The following GAS7 variants were observed in gnomAD, a reference collection of about 807,000 sequenced individuals.
GAS7 encodes the protein growth arrest-specific protein 7.
GAS7 carries 28 observed loss-of-function variants against 71.1 expected under a neutral mutation model. The ratio of observed to expected loss-of-function variants is 0.39; its 90% CI spans 0.29 to 0.54. The LOEUF (loss-of-function observed/expected upper bound fraction) is 0.54, where lower values mean the gene tolerates loss of function less well. Ranked by LOEUF, GAS7 falls within the 20% of genes least tolerant of loss-of-function variation. The pLI is 0.62. For missense variants in GAS7, 436 were observed against 627.8 expected (o/e 0.69, Z 3.27); for synonymous variants, 258 against 245.8 (o/e 1.05, Z -0.46).
At chr17:10,038,956 C>A (rs1410831853) in intron 1 of GAS7, among the ~76,000 whole-genome samples, 2 of 152,042 alleles carry the variant, frequency 1.3e-5, no homozygotes, top group African/African-American at 2.4e-5. Context: ...GGGACAAATA[C>A]CATTTGCTTC....
At chr17:9,949,910 G>A (rs891758716) in intron 5 of GAS7, among the ~76,000 whole-genome samples, 1 of 143,384 alleles carries the variant, frequency 7.0e-6, no homozygotes, top group Non-Finnish European at 1.5e-5. Context: ...TCACCAGGCT[G>A]GAGTGCAGTG....
intron 7 of GAS7, 31 bp from the exon 8 acceptor site, chr17:9,940,231 G>A: frequency 6.4e-7 from 1 of 1,560,162 alleles, no homozygotes; most frequent in Non-Finnish European, 8.8e-7. Flanking sequence ...ACACACATCA[G>A]CTCTCCAGTG....
chr17:10,147,038 A>G (rs11078834), intron 1 of GAS7, among the ~76,000 whole-genome samples: 66,969 of 151,568 alleles, frequency 0.44, 15,245 homozygotes, highest in East Asian at 0.64. Context: ...CTGAATCTGT[A>G]CTCCTGTGGG....
intron 1 of GAS7, among the ~76,000 whole-genome samples, chr17:10,155,705 G>C (rs982776907): frequency 6.6e-6 from 1 of 152,160 alleles, no homozygotes; most frequent in Non-Finnish European, 1.5e-5. Flanking sequence ...CCTGTTCAGA[G>C]GCAGCCTTCA....
intron 1 of GAS7, among the ~76,000 whole-genome samples, chr17:10,057,429 G>A (rs1296845123): frequency 1.3e-5 from 2 of 151,028 alleles, no homozygotes; most frequent in African/African-American, 2.4e-5. Context: ...TGTGGGGAGC[G>A]CCTCTGCCGG....
At position 10,019,768 on chromosome 17, in the gene GAS7, G is replaced by C. The variant is rs200092975; in HGVS notation, c.304+9C>G. 2 of 1,611,532 alleles carry C rather than the reference G, an allele frequency of 1.2e-6. No homozygotes were observed. Among genetic ancestry groups the C allele is most frequent in the Non-Finnish European group, 1.7e-6 (2 of 1,178,432 alleles). ...GTTGGTGCAGGATTCTCCCCCGAGCGGGACTCACCATTGGTGGTCGTGTTG... is the reference window on the plus strand; with the variant it reads ...GTTGGTGCAGGATTCTCCCCCGAGCCGGACTCACCATTGGTGGTCGTGTTG... On this transcript the variant is annotated intron_variant, in intron 2 of 13. Transcript: ENST00000432992.
intron 1 of GAS7, among the ~76,000 whole-genome samples, chr17:10,053,412 C>T (rs1338075018): frequency 1.3e-5 from 2 of 152,166 alleles, no homozygotes; most frequent in Non-Finnish European, 1.5e-5. Context: ...AATGCTAGAT[C>T]TGAAATGTAC....
At chr17:10,065,944 G>A (rs554973886) in intron 1 of GAS7, among the ~76,000 whole-genome samples, 2 of 152,334 alleles carry the variant, frequency 1.3e-5, no homozygotes, top group Non-Finnish European at 2.9e-5. Flanking sequence ...CAGAGTGCCA[G>A]GGAGGTTCAG....
Position 9,981,733 on chromosome 17 carries a change from C to A in GAS7, c.385+71G>T. On this transcript the variant is annotated intron_variant, in intron 3 of 13. Transcript: ENST00000432992. This position sits in a 1 kb window ranked among gnomAD's most constrained non-coding sequence, Gnocchi z 4.4. ...GCCAGGTTTAAGACCCAGGACCCAT[C>A]ATCTCAGCCTCTCCACTGAATGTGG... is the stretch of plus-strand genomic sequence containing the variant. 1 of 899,078 alleles carries A rather than the reference C, an allele frequency of 1.1e-6. No individual in the cohort carries two copies. The highest frequency in any genetic ancestry group is 1.9e-6 in the Non-Finnish European group (1 of 533,942). The allele number at this position is 899,078 out of a possible 1,614,324, so 55.7% of individuals were successfully genotyped here. A position where few individuals can be genotyped will look rare whatever the true frequency, so the allele number is the denominator to read the frequency against.
chr17:9,945,534 A>C (rs1409522110), intron 6 of GAS7, among the ~76,000 whole-genome samples: 2 of 152,140 alleles, frequency 1.3e-5, no homozygotes, highest in African/African-American at 2.4e-5. Context: ...TACCCTGGAC[A>C]CAGCACAGCT....
chr17:10,005,291 A>G (rs1014634609), intron 2 of GAS7, among the ~76,000 whole-genome samples: 2 of 150,362 alleles, frequency 1.3e-5, no homozygotes, highest in Admixed American at 1.3e-4. Flanking sequence ...ATACATGCAT[A>G]CATGTATATA....
intron 2 of GAS7, among the ~76,000 whole-genome samples, chr17:10,007,908 C>T (rs2071606311): frequency 6.6e-6 from 1 of 152,142 alleles, no homozygotes; most frequent in African/African-American, 2.4e-5. Flanking sequence ...CAGCTCCCCC[C>T]CGCAACCACC....
intron 8 of GAS7, among the ~76,000 whole-genome samples, chr17:9,939,493 T>C (rs772511652): frequency 2.6e-5 from 4 of 152,162 alleles, no homozygotes; most frequent in Non-Finnish European, 4.4e-5. Flanking sequence ...AAAGGGAGGC[T>C]GGAGTGGGCA....
At position 10,103,251 on chromosome 17, in the gene GAS7, G is replaced by A. The variant is rs1204335056; in HGVS notation, c.184-83354C>T. On this transcript the variant is annotated intron_variant, in intron 1 of 13. Transcript: ENST00000432992. This position sits in a 1 kb window ranked among gnomAD's most constrained non-coding sequence, Gnocchi z 5.5. ...CCTAGCTACTCAGGAGGCTAAGGTG[G>A]GAGAATCACCTGAGCCTGGGGAGTA... Among the ~76,000 whole-genome samples the A allele has an allele frequency of 6.6e-6, 1 of 152,060 alleles. No individual in the cohort carries two copies. The highest frequency in any genetic ancestry group is 6.6e-5 in the Admixed American group (1 of 15,256).
At chr17:10,086,791 G>A (rs568624112) in intron 1 of GAS7, among the ~76,000 whole-genome samples, 1 of 152,156 alleles carries the variant, frequency 6.6e-6, no homozygotes, top group Admixed American at 6.5e-5. Flanking sequence ...GGAGGAGGAA[G>A]AGGAATCTTG....
chr17:10,102,184 GAAGAA>G (rs2073707871), intron 1 of GAS7, among the ~76,000 whole-genome samples: 1 of 104,530 alleles, frequency 9.6e-6, no homozygotes, highest in Non-Finnish European at 1.8e-5. Flanking sequence ...GATCTAGAAG[GAAGAA>G]AAGAAAGAGT....
Position 9,912,344 on chromosome 17 carries a change from A to G in GAS7, c.*4884T>C. On this transcript the variant is annotated 3_prime_UTR_variant, in exon 14 of 14. Transcript: ENST00000432992. ...AATGAGAAAGGGAGGAGGTACATGCAGTTGCCGGTGGCCTGAGACACTCAT... is the reference window on the plus strand; with the variant it reads ...AATGAGAAAGGGAGGAGGTACATGCGGTTGCCGGTGGCCTGAGACACTCAT... The G allele has an allele frequency of 4.3e-6, 1 of 233,074 alleles. No homozygotes were observed. The highest frequency in any genetic ancestry group is 6.0e-5 in the East Asian group (1 of 16,548). 14.4% of individuals were successfully genotyped at this position (233,074 alleles called of 1,614,324 possible).
intron 1 of GAS7, among the ~76,000 whole-genome samples, chr17:10,129,471 G>A (rs1426532706): frequency 1.3e-5 from 2 of 152,140 alleles, no homozygotes; most frequent in East Asian, 3.9e-4. Flanking sequence ...GAAGGTCAAG[G>A]CTGCAGTGAG....
chr17:9,973,251 A>G (rs1464977949), intron 3 of GAS7, among the ~76,000 whole-genome samples: 1 of 148,666 alleles, frequency 6.7e-6, no homozygotes, highest in Non-Finnish European at 1.5e-5. Flanking sequence ...CAAATATAGT[A>G]GAAACTTTTT....
Sources: gnomAD v4.1 joint callset for allele counts (sites outside exome capture counted in the v4.1 genomes callset) on GRCh38, gnomAD v4.1.1 for gene constraint, Gnocchi (gnomAD v3.1) non-coding constraint, MANE v1.5 for transcripts, NCBI Gene and HGNC (gene_info 2026-07-23, HGNC 2026-07-21) for gene names.